Variants in CNTLN observed in about 807,000 individuals in gnomAD.
The protein encoded by CNTLN is centlein.
Under a neutral mutation model 180.0 loss-of-function variants are expected in CNTLN, and 212 were observed. The observed-to-expected ratio is 1.18, with a 90% CI of 1.05 to 1.32. The LOEUF (loss-of-function observed/expected upper bound fraction) is 1.32, where lower values mean the gene tolerates loss of function less well. CNTLN is among the 40% of genes most tolerant of loss of function. The probability of loss-of-function intolerance (pLI) is 0.00; values close to 1 mark genes in which losing one functional copy is unlikely to be tolerated. For missense variants in CNTLN, 2,095 were observed against 1,610.9 expected (o/e 1.30, Z -5.14); for synonymous variants, 722 against 563.1 (o/e 1.28, Z -3.99).
intron 19 of CNTLN, among the ~76,000 whole-genome samples, chr9:17,458,591 C>T (rs1481191382): frequency 1.3e-5 from 2 of 151,822 alleles, no homozygotes; most frequent in African/African-American, 2.4e-5. Context: ...TCATTGTTTT[C>T]GGTCCCAAAT....
At chr9:17,439,547 A>C (rs1274075629) in intron 18 of CNTLN, among the ~76,000 whole-genome samples, 1 of 152,258 alleles carries the variant, frequency 6.6e-6, no homozygotes, top group Non-Finnish European at 1.5e-5. Flanking sequence ...AATGTGACTA[A>C]GGTGGTACTC....
chr9:17,354,263 C>A (rs1366527765), intron 12 of CNTLN, among the ~76,000 whole-genome samples: 2 of 152,184 alleles, frequency 1.3e-5, no homozygotes, highest in African/African-American at 4.8e-5. Context: ...CCGACGAGCA[C>A]CACCCCCTGC....
intron 18 of CNTLN, among the ~76,000 whole-genome samples, chr9:17,433,140 T>C (rs961670990): frequency 1.3e-5 from 2 of 151,730 alleles, no homozygotes; most frequent in African/African-American, 4.8e-5. Context: ...GTAAAAGTGA[T>C]CTGAGATATA....
chr9:17,308,094 A>C (rs1818857300), intron 7 of CNTLN, among the ~76,000 whole-genome samples: 1 of 151,954 alleles, frequency 6.6e-6, no homozygotes, highest in South Asian at 2.1e-4. Flanking sequence ...CAACTACCAG[A>C]GATTGGATTA....
intron 23 of CNTLN, 29 bp downstream of exon 23, chr9:17,466,920 G>T: frequency 6.4e-7 from 1 of 1,568,644 alleles, no homozygotes. Context: ...TTACTAACTT[G>T]TACTTTACTT....
intron 2 of CNTLN, among the ~76,000 whole-genome samples, chr9:17,218,208 A>T (rs531745433): frequency 6.6e-6 from 1 of 152,318 alleles, no homozygotes; most frequent in Admixed American, 6.5e-5. Context: ...TCTGGATTAT[A>T]CAATAAAAAC....
the CNTLN span, among the ~76,000 whole-genome samples, chr9:17,512,640 T>G: frequency 6.6e-6 from 1 of 152,010 alleles, no homozygotes; most frequent in African/African-American, 2.4e-5. Flanking sequence ...CCCCCAAATC[T>G]ATAATTAAGA....
chr9:17,207,810 G>T (rs902401579), intron 2 of CNTLN, among the ~76,000 whole-genome samples: 9 of 152,052 alleles, frequency 5.9e-5, no homozygotes, highest in African/African-American at 2.2e-4. Flanking sequence ...TCCCTTGTAT[G>T]CTGACTTTTT....
intron 2 of CNTLN, among the ~76,000 whole-genome samples, chr9:17,199,860 A>G (rs1822403562): frequency 6.6e-6 from 1 of 152,044 alleles, no homozygotes; most frequent in African/African-American, 2.4e-5. Flanking sequence ...CCATTTGTCA[A>G]TTTTGACTTT....
At chr9:17,235,097 C>T (rs1255059432) in intron 3 of CNTLN, among the ~76,000 whole-genome samples, 3 of 152,086 alleles carry the variant, frequency 2.0e-5, no homozygotes, top group East Asian at 1.9e-4. Context: ...GGGGTACATC[C>T]ACCTCGTAGG....
At chr9:17,267,991 T>A (rs1277044056) in intron 5 of CNTLN, among the ~76,000 whole-genome samples, 1 of 152,156 alleles carries the variant, frequency 6.6e-6, no homozygotes, top group South Asian at 2.1e-4. Context: ...AATTTCCTCT[T>A]GTAGCTTGGA....
intron 2 of CNTLN, among the ~76,000 whole-genome samples, chr9:17,208,242 GC>G (rs1420243733): frequency 2.6e-5 from 4 of 151,998 alleles, no homozygotes; most frequent in African/African-American, 9.7e-5. Context: ...TGGTTTTTGT[GC>G]TTTATTATGT....
rs575049573 is a variant in CNTLN, at chr9:17,447,093, T to A, written c.3115-10431T>A. 9.9e-5 allele frequency: 20 copies of A among 202,194 alleles called. No homozygotes were observed. In the East Asian group the frequency reaches 2.3e-3, roughly 24 times the overall value. 12.5% of individuals were successfully genotyped at this position (202,194 alleles called of 1,614,324 possible). ...ATTTACTCTGAGAGAAATTGCCTGG[T>A]GGGCAACTCACTGCCATCAGGGTCC... On this transcript the variant is annotated intron_variant, in intron 18 of 25. Coordinates refer to ENST00000380647, the MANE Select transcript of CNTLN (RefSeq NM_017738.4).
At chr9:17,274,474 T>C (rs559706876) in intron 6 of CNTLN, among the ~76,000 whole-genome samples, 2 of 145,796 alleles carry the variant, frequency 1.4e-5, no homozygotes, top group South Asian at 4.7e-4. Flanking sequence ...TCTATCTATC[T>C]ATCTATCTAT....
At chr9:17,325,802 AATT>A (rs1328080778) in intron 8 of CNTLN, among the ~76,000 whole-genome samples, 1 of 152,014 alleles carries the variant, frequency 6.6e-6, no homozygotes, top group African/African-American at 2.4e-5. Flanking sequence ...GCTAAATGCT[AATT>A]ATTATCATCA....
chr9:17,206,155 C>G (rs1046552469), intron 2 of CNTLN, among the ~76,000 whole-genome samples: 2 of 152,142 alleles, frequency 1.3e-5, no homozygotes, highest in Non-Finnish European at 2.9e-5. Flanking sequence ...TCCCTGCTAA[C>G]ATTTCTGGAT....
chr9:17,461,334 T>G (rs1258461070), intron 19 of CNTLN, among the ~76,000 whole-genome samples: 1 of 151,672 alleles, frequency 6.6e-6, no homozygotes, highest in Non-Finnish European at 1.5e-5. Context: ...GTGTGACTAG[T>G]GTGGAACATG....
intron 5 of CNTLN, among the ~76,000 whole-genome samples, chr9:17,266,740 T>C (rs550667865): frequency 6.6e-6 from 1 of 152,322 alleles, no homozygotes; most frequent in South Asian, 2.1e-4. Context: ...GGTGCATATA[T>C]ATTTAGGATA....
intron 15 of CNTLN, among the ~76,000 whole-genome samples, chr9:17,408,128 CA>C (rs34374959): frequency 1.3e-3 from 77 of 59,068 alleles, no homozygotes; most frequent in African/African-American, 4.3e-3. Context: ...GACTCTGTCT[CA>C]AAAAAAAAAA....
Sources: gnomAD v4.1 joint callset for allele counts (sites outside exome capture counted in the v4.1 genomes callset) on GRCh38, gnomAD v4.1.1 for gene constraint, MANE v1.5 for transcripts, NCBI Gene and HGNC (gene_info 2026-07-23, HGNC 2026-07-21) for gene names.